The following CTDSPL2 variants were observed in gnomAD, a reference collection of about 807,000 sequenced individuals.
CTDSPL2 encodes CTD small phosphatase-like protein 2.
A neutral mutation model predicts 60.0 loss-of-function variants in CTDSPL2; 5 were observed. The ratio of observed to expected loss-of-function variants is 0.08; its 90% CI spans 0.04 to 0.18. The LOEUF (loss-of-function observed/expected upper bound fraction) is 0.18. Among genes scored for constraint, CTDSPL2 ranks in the 10% least tolerant of loss-of-function variants. CTDSPL2 has a pLI of 1.00. For missense variants in CTDSPL2, 370 were observed against 548.8 expected, an observed-to-expected ratio of 0.67 and a Z score of 3.26; for synonymous variants, 186 against 189.3, an observed-to-expected ratio of 0.98 and a Z score of 0.14.
At chr15:44,467,003 T>C (rs944255999) in intron 2 of CTDSPL2, among the ~76,000 whole-genome samples, 2 of 152,138 alleles carry the variant, frequency 1.3e-5, no homozygotes, top group African/African-American at 4.8e-5. Flanking sequence ...TGTAACACAA[T>C]GTTAAGTATT....
chr15:44,461,708 A>G lies in CTDSPL2; in HGVS notation c.186+2508A>G, dbSNP rs552216278. On this transcript the variant is annotated intron_variant, in intron 2 of 12. Transcript: ENST00000260327. ...GTTGGTATTACACACCTGGCTTTATATTGTATTCTTACAATAAAGTAAGCT... is the reference window on the plus strand; with the variant it reads ...GTTGGTATTACACACCTGGCTTTATGTTGTATTCTTACAATAAAGTAAGCT... 6.7e-5 allele frequency among the ~76,000 whole-genome samples: 10 copies of G among 150,342 alleles called. No individual in the cohort carries two copies. The East Asian group carries it at 2.0e-3, about 29-fold the overall frequency.
rs1000921718 is a variant in CTDSPL2, at chr15:44,490,666, G to T, written c.476-118G>T. ...AGATTCTCTAAAAGCAATATACTCA[G>T]CTTTGTTCCTGCAGGAATGATCAGT... On this transcript the variant is annotated intron_variant, in intron 4 of 12. Coordinates refer to ENST00000260327, the MANE Select transcript of CTDSPL2 (RefSeq NM_016396.3). 18 of 730,026 alleles carry T rather than the reference G, an allele frequency of 2.5e-5. No homozygotes were observed. In the African/African-American group the frequency reaches 3.0e-4, roughly 12 times the overall value. The allele number at this position is 730,026 out of a possible 1,614,324, so 45.2% of individuals were successfully genotyped here.
intron 1 of CTDSPL2, among the ~76,000 whole-genome samples, chr15:44,457,513 C>T (rs2080472219): frequency 6.6e-6 from 1 of 151,628 alleles, no homozygotes; most frequent in Non-Finnish European, 1.5e-5. Context: ...ATTTTATATC[C>T]AGACTACCAA....
intron 2 of CTDSPL2, among the ~76,000 whole-genome samples, chr15:44,471,601 ATAG>A (rs1454809937): frequency 6.6e-6 from 1 of 152,172 alleles, no homozygotes; most frequent in Non-Finnish European, 1.5e-5. Flanking sequence ...AATATGTAAT[ATAG>A]TATAGTTAAG....
intron 2 of CTDSPL2, among the ~76,000 whole-genome samples, chr15:44,466,745 C>T (rs998949198): frequency 6.6e-6 from 1 of 150,910 alleles, no homozygotes; most frequent in Admixed American, 6.7e-5. Flanking sequence ...GAGATCGAGA[C>T]CACAGTGAAA....
At chr15:44,453,542 C>G (rs1378132896) in intron 1 of CTDSPL2, among the ~76,000 whole-genome samples, 1 of 151,890 alleles carries the variant, frequency 6.6e-6, no homozygotes, top group Non-Finnish European at 1.5e-5. Context: ...GTTATTTACA[C>G]TAGGTATATC....
At chr15:44,521,450 A>T (rs373006109) in intron 12 of CTDSPL2, 44 bp downstream of exon 12, 3 of 999,450 alleles carry the variant, frequency 3.0e-6, no homozygotes, top group Non-Finnish European at 1.5e-6. Context: ...TGTTAGCTCA[A>T]CTATATTGAA....
At chr15:44,519,729 G>A (rs6493107) in intron 11 of CTDSPL2, 152,213 of 153,666 alleles carry the variant, frequency 0.99, 75,401 homozygotes, top group Middle Eastern at 1. Flanking sequence ...AACTACAAAT[G>A]TAGATGAGTC....
chr15:44,505,156 G>A (rs1039644139), intron 8 of CTDSPL2, among the ~76,000 whole-genome samples: 1 of 152,132 alleles, frequency 6.6e-6, no homozygotes, highest in African/African-American at 2.4e-5. Flanking sequence ...TAGAGGCCAG[G>A]TGTGGTGGCT....
chr15:44,451,531 C>T (rs1042234388), intron 1 of CTDSPL2, among the ~76,000 whole-genome samples: 1 of 152,166 alleles, frequency 6.6e-6, no homozygotes, highest in Non-Finnish European at 1.5e-5. Flanking sequence ...TAAATAATTA[C>T]ATATATCTCT....
chr15:44,448,247 T>C, intron 1 of CTDSPL2: 1 of 295,500 alleles, frequency 3.4e-6, no homozygotes, highest in Non-Finnish European at 6.9e-6. Context: ...CCGGAGCCAC[T>C]GCGCTCCGTG....
intron 2 of CTDSPL2, among the ~76,000 whole-genome samples, chr15:44,466,090 G>A (rs765287222): frequency 3.3e-5 from 5 of 151,764 alleles, no homozygotes; most frequent in Non-Finnish European, 5.9e-5. Context: ...ACCCACTACC[G>A]TGCCTGGCTA....
At chr15:44,453,083 A>G (rs997470291) in intron 1 of CTDSPL2, among the ~76,000 whole-genome samples, 11 of 152,100 alleles carry the variant, frequency 7.2e-5, no homozygotes, top group Admixed American at 2.0e-4. Context: ...AGACTATGTC[A>G]TTTGCAAAGA....
intron 1 of CTDSPL2, among the ~76,000 whole-genome samples, chr15:44,438,700 A>C (rs1229719318): frequency 6.6e-6 from 1 of 152,130 alleles, no homozygotes; most frequent in Non-Finnish European, 1.5e-5. Flanking sequence ...GTACCAAGTA[A>C]AAGTGTTGAG....
Position 44,514,762 on chromosome 15 carries a change from T to C in CTDSPL2, c.1033-3T>C. The stretch of plus-strand genomic sequence containing the variant: ...GATTACTTCTTTTCCCCTGAATTTA[T>C]AGATCATTCTTTTTACTGCTTCTAA... On this transcript the variant is annotated splice_polypyrimidine_tract_variant and splice_region_variant and intron_variant, in intron 9 of 12. Coordinates refer to ENST00000260327, the MANE Select transcript of CTDSPL2 (RefSeq NM_016396.3). The C allele has an allele frequency of 6.2e-7, 1 of 1,602,762 alleles. No individual in the cohort carries two copies. Among genetic ancestry groups the C allele is most frequent in the Non-Finnish European group, 8.5e-7 (1 of 1,171,122 alleles).
intron 12 of CTDSPL2, among the ~76,000 whole-genome samples, chr15:44,523,724 C>G (rs1326734739): frequency 6.6e-6 from 1 of 152,148 alleles, no homozygotes; most frequent in Non-Finnish European, 1.5e-5. Context: ...ATGGTGAAAC[C>G]TTGCCTCTAC....
chr15:44,449,909 T>C (rs549752551), intron 1 of CTDSPL2, among the ~76,000 whole-genome samples: 13 of 151,880 alleles, frequency 8.6e-5, no homozygotes, highest in African/African-American at 3.1e-4. Context: ...GAGAATTGCT[T>C]GAACCCAGGA....
intron 2 of CTDSPL2, among the ~76,000 whole-genome samples, chr15:44,459,460 G>A (rs187110533): frequency 1.0e-3 from 159 of 152,212 alleles, no homozygotes; most frequent in African/African-American, 3.5e-3. Flanking sequence ...CCTAGGGGGC[G>A]GAGCCTGTAG....
chr15:44,453,369 A>C (rs968923010), intron 1 of CTDSPL2, among the ~76,000 whole-genome samples: 1 of 152,038 alleles, frequency 6.6e-6, no homozygotes, highest in Non-Finnish European at 1.5e-5. Flanking sequence ...GATTTGATCA[A>C]ATGCTTTTTC....
Sources: allele counts gnomAD v4.1 joint callset (sites outside exome capture counted in the v4.1 genomes callset), GRCh38; gene constraint gnomAD v4.1.1; transcripts MANE v1.5; gene names NCBI Gene and HGNC (gene_info 2026-07-23, HGNC 2026-07-21).